CCDC63: variants seen among roughly 807,000 people sequenced by gnomAD.
CCDC63 encodes coiled-coil domain-containing protein 63.
A neutral mutation model predicts 63.6 loss-of-function variants in CCDC63; 54 were observed. The observed-to-expected ratio is 0.85, with a 90% CI of 0.68 to 1.07. The LOEUF is 1.07. CCDC63 is among the 50% of genes least tolerant of loss of function. CCDC63 has a pLI of 0.00. For synonymous variants in CCDC63, 253 were observed against 266.1 expected (o/e 0.95, Z 0.48); for missense variants, 637 against 689.6 (o/e 0.92, Z 0.86).
intron 1 of CCDC63, among the ~76,000 whole-genome samples, chr12:110,849,461 G>A (rs1330748244): frequency 6.6e-6 from 1 of 151,148 alleles, no homozygotes; most frequent in Non-Finnish European, 1.5e-5. Context: ...ATTTCTAAAA[G>A]CAGAAGGAGA....
intron 4 of CCDC63, among the ~76,000 whole-genome samples, chr12:110,865,300 G>A (rs769387553): frequency 1.3e-5 from 2 of 152,090 alleles, no homozygotes; most frequent in Non-Finnish European, 2.9e-5. Flanking sequence ...TTTCATCAGA[G>A]CGCTGTGGCT....
In CCDC63 at chr12:110,907,375, G is replaced by A. The variant is rs745384756; in HGVS notation, c.1591G>A (p.Asp531Asn). ...CAGCAGCCTTCGGCAGCTGGTTCTC[G>A]ACAATTATATCCTGAAGGAGAATCG... ...DHSSLRQLVL[D>N]NYILKENRSK... The change falls in exon 12 of 12, where the codon GAC becomes AAC. Residue 531 changes from aspartate (D) to asparagine (N), a missense_variant. Transcript: ENST00000308208. The surrounding 1 kb of genome is among the most constrained non-coding windows in gnomAD (Gnocchi z 4.4). 13 of 1,613,942 alleles carry A rather than the reference G, an allele frequency of 8.1e-6. No homozygotes were observed. Among genetic ancestry groups the A allele is most frequent in the African/African-American group, 2.7e-5 (2 of 74,906 alleles).
chr12:110,852,493 C>T (rs546806195), intron 1 of CCDC63, among the ~76,000 whole-genome samples: 1 of 152,168 alleles, frequency 6.6e-6, no homozygotes, highest in East Asian at 1.9e-4. Context: ...AACTCCTGAC[C>T]TCAAGTGATC....
In CCDC63 at chr12:110,878,068, G is replaced by A. The variant is rs144782473; in HGVS notation, c.490-1838G>A. 1.6e-3 allele frequency among the ~76,000 whole-genome samples: 238 copies of A among 152,096 alleles called. 1 individual carries two copies. Among genetic ancestry groups the A allele is most frequent in the African/African-American group, 5.2e-3 (216 of 41,504 alleles). On this transcript the variant is annotated intron_variant, in intron 5 of 11. Coordinates refer to ENST00000308208, the MANE Select transcript of CCDC63 (RefSeq NM_152591.3). Reference sequence around the variant, plus strand: ...GATCATGCAATATTTTTCATTCTGCGTCTGGCTTATTTCACTTAGCGTAAT... The same window carrying A: ...GATCATGCAATATTTTTCATTCTGCATCTGGCTTATTTCACTTAGCGTAAT...
chr12:110,871,276 G>A (rs1301030507), intron 4 of CCDC63, among the ~76,000 whole-genome samples: 1 of 151,994 alleles, frequency 6.6e-6, no homozygotes, highest in African/African-American at 2.4e-5. Context: ...CAAGTAGCTG[G>A]GACTACTGGC....
intron 10 of CCDC63, among the ~76,000 whole-genome samples, 185 bp from the exon 11 acceptor site, chr12:110,904,403 G>A (rs2071530555): frequency 6.6e-6 from 1 of 152,122 alleles, no homozygotes; most frequent in African/African-American, 2.4e-5. Flanking sequence ...AGGGTGAGGA[G>A]TGATGTTGTC....
chr12:110,864,773 T>C (rs1250366873), intron 4 of CCDC63, among the ~76,000 whole-genome samples: 1 of 152,050 alleles, frequency 6.6e-6, no homozygotes, highest in Admixed American at 6.6e-5. Flanking sequence ...CTCTATCCCC[T>C]GGAGCTGGGG....
intron 4 of CCDC63, among the ~76,000 whole-genome samples, chr12:110,868,038 C>T (rs1344728893): frequency 3.4e-5 from 5 of 148,440 alleles, no homozygotes; most frequent in African/African-American, 5.0e-5. Context: ...CAGAGACGCT[C>T]CTCACCTCCC....
chr12:110,857,594 C>T (rs1170244529), intron 3 of CCDC63, among the ~76,000 whole-genome samples: 1 of 152,194 alleles, frequency 6.6e-6, no homozygotes, highest in Non-Finnish European at 1.5e-5. Flanking sequence ...GATCCGCAAA[C>T]CACATTGGGG....
intron 5 of CCDC63, 65 bp downstream of exon 5, chr12:110,874,026 A>T: frequency 6.4e-7 from 1 of 1,552,744 alleles, no homozygotes; most frequent in Non-Finnish European, 8.7e-7. Flanking sequence ...AACAAAAATG[A>T]TGTCTGCCCA....
At chr12:110,885,327 G>T (rs1012639445) in intron 8 of CCDC63, among the ~76,000 whole-genome samples, 2 of 152,072 alleles carry the variant, frequency 1.3e-5, no homozygotes, top group African/African-American at 4.8e-5. Flanking sequence ...TGATGCACAG[G>T]CCCTGACAAG....
At chr12:110,869,768 C>A (rs2071039881) in intron 4 of CCDC63, among the ~76,000 whole-genome samples, 1 of 152,062 alleles carries the variant, frequency 6.6e-6, no homozygotes, top group Non-Finnish European at 1.5e-5. Context: ...GTGTAGATTT[C>A]ACTTATTTGA....
Position 110,853,444 on chromosome 12 carries a change from G to C in CCDC63, c.49G>C (p.Glu17Gln). Residue 17 changes from glutamate (E) to glutamine (Q), a missense_variant, in exon 3 of 12, where the codon GAA becomes CAA. Coordinates refer to ENST00000308208, the MANE Select transcript of CCDC63 (RefSeq NM_152591.3). ...NRRKDSDTPQEPSEKAKEQQA... is the reference protein window; with the variant it reads ...NRRKDSDTPQQPSEKAKEQQA... ...GAGAAAAGACTCCGACACTCCCCAG[G>C]AACCTTCGGAGAAGGCCAAAGAGCA... is the stretch of plus-strand genomic sequence containing the variant. 1 of 1,613,942 alleles carries C rather than the reference G, an allele frequency of 6.2e-7. No homozygotes were observed. The highest frequency in any genetic ancestry group is 8.5e-7 in the Non-Finnish European group (1 of 1,179,992).
rs202086418 is a variant in CCDC63 at position 110,861,294 on chromosome 12, CT to C, written c.369+2523del. ...AATGAATCTGGAAATCTCTTCACAT[CT>C]TTTGTCTGCTTCAAACCCTTCAGAA... On this transcript the variant is annotated intron_variant, in intron 4 of 11. Transcript: ENST00000308208. 6.6e-3 allele frequency among the ~76,000 whole-genome samples: 1,009 copies of C among 152,346 alleles called. 12 individuals carry two copies. Among genetic ancestry groups the C allele is most frequent in the African/African-American group, 0.023 (949 of 41,574 alleles).
intron 6 of CCDC63, 145 bp from the exon 7 acceptor site, chr12:110,880,970 G>T (rs878955290): frequency 3.1e-6 from 2 of 654,970 alleles, no homozygotes; most frequent in South Asian, 5.1e-5. Flanking sequence ...CAGGTAAGGA[G>T]GATTGTTTTT....
intron 4 of CCDC63, among the ~76,000 whole-genome samples, chr12:110,868,417 G>T (rs1346932764): frequency 1.3e-5 from 2 of 150,462 alleles, no homozygotes; most frequent in African/African-American, 4.9e-5. Context: ...CCGAGATCAC[G>T]CCACTGCACT....
In CCDC63 at chr12:110,873,751, T is replaced by C; in HGVS notation, c.370-91T>C. ...GTAGAGCTGGTACCCATACAGATGC[T>C]ATCTGAGCACACTTCAGTTAGTGAA... On this transcript the variant is annotated intron_variant, in intron 4 of 11. Transcript: ENST00000308208. 3.3e-6 allele frequency: 5 copies of C among 1,508,114 alleles called. 1 individual carries two copies. In the South Asian group the frequency reaches 6.4e-5, roughly 19 times the overall value. The allele number at this position is 1,508,114 out of a possible 1,614,324, so 93.4% of individuals were successfully genotyped here.
intron 4 of CCDC63, among the ~76,000 whole-genome samples, chr12:110,867,205 C>T (rs1593655386): frequency 1.5e-5 from 2 of 131,826 alleles, no homozygotes; most frequent in African/African-American, 5.8e-5. Flanking sequence ...CCGGACGGGG[C>T]GGCTGGCCGG....
intron 8 of CCDC63, among the ~76,000 whole-genome samples, chr12:110,886,693 A>G (rs2071284395): frequency 6.6e-6 from 1 of 151,846 alleles, no homozygotes; most frequent in Non-Finnish European, 1.5e-5. Context: ...TGGCTGGGCT[A>G]CTCAGCAGCC....
Sources: allele counts gnomAD v4.1 joint callset (sites outside exome capture counted in the v4.1 genomes callset), GRCh38; gene constraint gnomAD v4.1.1; non-coding constraint Gnocchi (gnomAD v3.1); transcripts MANE v1.5; gene names NCBI Gene and HGNC (gene_info 2026-07-23, HGNC 2026-07-21).